Variants in JPH3 observed in about 807,000 individuals in gnomAD.
The protein encoded by JPH3 is junctophilin 3.
JPH3 carries 11 observed loss-of-function variants against 59.6 expected under a neutral mutation model. The ratio of observed to expected loss-of-function variants is 0.18; its 90% CI spans 0.12 to 0.31. The LOEUF (loss-of-function observed/expected upper bound fraction) is 0.31, where lower values mean the gene tolerates loss of function less well. Among genes scored for constraint, JPH3 ranks in the 10% least tolerant of loss-of-function variants. The probability of loss-of-function intolerance (pLI) is 1.00; values close to 1 mark genes in which losing one functional copy is unlikely to be tolerated. For synonymous variants in JPH3, 673 were observed against 483.6 expected, an observed-to-expected ratio of 1.39 and a Z score of -5.14; for missense variants, 1,202 against 1,105.7, an observed-to-expected ratio of 1.09 and a Z score of -1.24.
chr16:87,672,884 C>T (rs1054012657), intron 2 of JPH3, among the ~76,000 whole-genome samples: 25 of 152,194 alleles, frequency 1.6e-4, no homozygotes, highest in Non-Finnish European at 1.0e-4. Flanking sequence ...GTGGCTTGTG[C>T]CTATAATCTC....
chr16:87,658,978 C>CA (rs2032603948), intron 2 of JPH3, among the ~76,000 whole-genome samples: 2 of 152,224 alleles, frequency 1.3e-5, no homozygotes, highest in African/African-American at 4.8e-5. Flanking sequence ...TTGCTGGAGG[C>CA]GGGGTCGCAG....
chr16:87,656,204 C>A (rs188241737), intron 2 of JPH3, among the ~76,000 whole-genome samples: 1 of 152,362 alleles, frequency 6.6e-6, no homozygotes, highest in Non-Finnish European at 1.5e-5. Flanking sequence ...GCCGTGACAC[C>A]TATTTTACAG....
chr16:87,689,650 G>A lies in JPH3; in HGVS notation c.1290G>A (p.Leu430=). 1.2e-6 allele frequency: 2 copies of A among 1,611,656 alleles called. No individual in the cohort carries two copies. Among genetic ancestry groups the A allele is most frequent in the South Asian group, 1.1e-5 (1 of 90,832 alleles). ...TCGTCTTGTGTCCCCATACAGGGCT[G>A]GAGTACCAGAGGCCGAAGCGTCAGA... The part of the protein sequence containing the change: ...SPSFQHRENG[L]EYQRPKRQTS... Residue 430 remains leucine, a synonymous_variant, in exon 4 of 5, where the codon CTG becomes CTA. Transcript: ENST00000284262.
intron 4 of JPH3, among the ~76,000 whole-genome samples, chr16:87,691,367 C>G (rs1012277265): frequency 6.6e-6 from 1 of 152,234 alleles, no homozygotes; most frequent in South Asian, 2.1e-4. Flanking sequence ...AGGCCCTCAC[C>G]CCAGCAGGGC....
intron 2 of JPH3, chr16:87,653,456 C>T (rs947781391): frequency 6.6e-6 from 1 of 152,154 alleles, no homozygotes; most frequent in African/African-American, 2.4e-5. Context: ...CAGGTAGGCC[C>T]CAGTGAGGGT....
chr16:87,651,981 T>G (rs2032337843), intron 2 of JPH3, among the ~76,000 whole-genome samples: 1 of 152,022 alleles, frequency 6.6e-6, no homozygotes, highest in Non-Finnish European at 1.5e-5. Context: ...CGTTTTTTTT[T>G]TGTTTTGTTT....
Position 87,644,328 on chromosome 16 carries a change from C to G in JPH3, c.453C>G (p.Gly151=). 1 of 1,612,986 alleles carries G rather than the reference C, an allele frequency of 6.2e-7. No homozygotes were observed. Among genetic ancestry groups the G allele is most frequent in the South Asian group, 1.1e-5 (1 of 91,068 alleles). The change falls in exon 2 of 5, where the codon GGC becomes GGG. Residue 151 remains glycine, a synonymous_variant. Coordinates refer to ENST00000284262, the MANE Select transcript of JPH3 (RefSeq NM_020655.4). ...GCGTCCGGCAGAGCGTCCCGTATGG[C>G]ATGGCCGCGGTCATCCGCTCACCCC... is the stretch of plus-strand genomic sequence containing the variant. ...GYGVRQSVPY[G]MAAVIRSPLR...
intron 3 of JPH3, among the ~76,000 whole-genome samples, chr16:87,688,268 C>A (rs1307604960): frequency 6.6e-6 from 1 of 152,284 alleles, no homozygotes; most frequent in Non-Finnish European, 1.5e-5. Flanking sequence ...CAGCTGTGCC[C>A]CAAGCCCCAG....
intron 2 of JPH3, among the ~76,000 whole-genome samples, chr16:87,652,791 G>C (rs955264308): frequency 6.6e-6 from 1 of 152,252 alleles, no homozygotes; most frequent in East Asian, 1.9e-4. Flanking sequence ...GTTGTCAGCT[G>C]ATGTCCCTGT....
Position 87,697,727 on chromosome 16 carries a change from A to C in JPH3, c.*1067A>C, listed in dbSNP as rs2033951636. Reference sequence around the variant, plus strand: ...CAGGACAGGAATGCGGTTCAAACCCAGTGGCTTGAAACTTCCTGAGAAACT... The same window carrying C: ...CAGGACAGGAATGCGGTTCAAACCCCGTGGCTTGAAACTTCCTGAGAAACT... On this transcript the variant is annotated 3_prime_UTR_variant, in exon 5 of 5. Coordinates refer to ENST00000284262, the MANE Select transcript of JPH3 (RefSeq NM_020655.4). The C allele has an allele frequency of 6.6e-6, 1 of 152,268 alleles. No individual in the cohort carries two copies. The highest frequency in any genetic ancestry group is 2.4e-5 in the African/African-American group (1 of 41,472). 9.4% of individuals were successfully genotyped at this position (152,268 alleles called of 1,614,324 possible).
rs534681648 is a variant in JPH3, at chr16:87,656,332, G to C, written c.1160+11297G>C. The stretch of plus-strand genomic sequence containing the variant: ...GACTGGATGCACACCTTCCTGAGAC[G>C]GGGGGTGGGTTAGGATTCCAGCAAA... On this transcript the variant is annotated intron_variant, in intron 2 of 4. Transcript: ENST00000284262. 4.6e-5 allele frequency among the ~76,000 whole-genome samples: 7 copies of C among 152,292 alleles called. No individual in the cohort carries two copies. In the East Asian group the frequency reaches 1.3e-3, roughly 29 times the overall value.
chr16:87,690,809 C>T (rs978764209), intron 4 of JPH3, among the ~76,000 whole-genome samples: 2 of 152,224 alleles, frequency 1.3e-5, no homozygotes, highest in Non-Finnish European at 2.9e-5. Context: ...GGGATCCCTG[C>T]GCTCCCCGCA....
rs201948218 is a variant in JPH3, at chr16:87,684,097, C to G, written c.1161-45C>G. 6.2e-5 allele frequency: 93 copies of G among 1,488,656 alleles called. No individual in the cohort carries two copies. The African/African-American group carries it at 8.3e-4, about 13-fold the overall frequency. 92.2% of individuals were successfully genotyped at this position (1,488,656 alleles called of 1,614,324 possible). A position where few individuals can be genotyped will look rare whatever the true frequency, so the allele number is the denominator to read the frequency against. Reference sequence around the variant, plus strand: ...AGTACCTCAACCCAGACCCCTGTCACCTGTGCCCCCTGCCCCCCCTCACGC... The same window carrying G: ...AGTACCTCAACCCAGACCCCTGTCAGCTGTGCCCCCTGCCCCCCCTCACGC... On this transcript the variant is annotated intron_variant, in intron 2 of 4. Coordinates refer to ENST00000284262, the MANE Select transcript of JPH3 (RefSeq NM_020655.4).
At chr16:87,609,872 G>A (rs933629228) in intron 1 of JPH3, among the ~76,000 whole-genome samples, 10 of 152,160 alleles carry the variant, frequency 6.6e-5, no homozygotes, top group African/African-American at 2.4e-4. Flanking sequence ...GGATGATTCA[G>A]GCGCATTCTA....
intron 1 of JPH3, among the ~76,000 whole-genome samples, chr16:87,606,092 G>A (rs1050014083): frequency 2.0e-5 from 3 of 152,230 alleles, no homozygotes; most frequent in South Asian, 4.1e-4. Flanking sequence ...CCCATGGAAG[G>A]AGCCTGCAGG....
At position 87,684,179 on chromosome 16, in the gene JPH3, A is replaced by G. The variant is rs533267244; in HGVS notation, c.1198A>G (p.Thr400Ala). ...TCGGGCAAAGGCCGAGGCAGCCCTC[A>G]CAGCAGCTCAGAAAGCCCAGGAGGA... ...HSRAKAEAAL[T>A]AAQKAQEEAR... The change falls in exon 3 of 5, where the codon ACA (threonine) becomes GCA (alanine). Residue 400 changes from threonine (T) to alanine (A), a missense_variant. Physicochemically the swap from Thr to Ala is moderately conservative, Grantham distance 58 (BLOSUM62 0). Coordinates refer to ENST00000284262, the MANE Select transcript of JPH3 (RefSeq NM_020655.4). The G allele has an allele frequency of 2.5e-6, 4 of 1,613,722 alleles. No homozygotes were observed. The highest frequency in any genetic ancestry group is 2.2e-5 in the East Asian group (1 of 44,854).
chr16:87,613,830 A>C (rs2544628), intron 1 of JPH3, among the ~76,000 whole-genome samples: 4 of 152,136 alleles, frequency 2.6e-5, no homozygotes, highest in Non-Finnish European at 1.5e-5. Flanking sequence ...TATATCTTAC[A>C]TTCCTTAAGA....
intron 3 of JPH3, 38 bp from the exon 4 acceptor site, chr16:87,689,608 G>A (rs2033506496): frequency 6.3e-7 from 1 of 1,599,104 alleles, no homozygotes; most frequent in Non-Finnish European, 8.5e-7. Flanking sequence ...GAATGTGCTG[G>A]GTAACGCCGT....
chr16:87,642,881 A>T (rs2032002020), intron 1 of JPH3, among the ~76,000 whole-genome samples: 1 of 152,150 alleles, frequency 6.6e-6, no homozygotes, highest in Non-Finnish European at 1.5e-5. Flanking sequence ...TTTCCTTTTT[A>T]TTTTATTGTG....
Sources: allele counts gnomAD v4.1 joint callset (sites outside exome capture counted in the v4.1 genomes callset), GRCh38; gene constraint gnomAD v4.1.1; transcripts MANE v1.5; gene names NCBI Gene and HGNC (gene_info 2026-07-23, HGNC 2026-07-21).